The following MAPT variants were observed in gnomAD, a reference collection of about 807,000 sequenced individuals.
MAPT encodes the protein microtubule-associated protein tau.
In MAPT, 34 loss-of-function variants were observed where a neutral mutation model predicts 67.9. That is an observed-to-expected ratio of 0.50 (90% CI 0.38 to 0.67). The LOEUF is 0.67. MAPT is among the 30% of genes least tolerant of loss of function. MAPT has a pLI of 0.00. For synonymous variants in MAPT, 456 were observed against 464.5 expected (o/e 0.98, Z 0.23); for missense variants, 881 against 1,115.2 (o/e 0.79, Z 2.99).
At chr17:46,006,342 G>A (rs1470557526) in intron 9 of MAPT, among the ~76,000 whole-genome samples, 5 of 152,192 alleles carry the variant, frequency 3.3e-5, no homozygotes, top group Admixed American at 6.5e-5. Context: ...CAGACAGAAG[G>A]ACAGACTTCA....
rs1052553 is a variant in MAPT, at chr17:45,996,523, A to G, written c.1857A>G (p.Ala619=). 0.19 allele frequency: 305,630 copies of G among 1,600,658 alleles called. 32,929 individuals carry two copies. Among genetic ancestry groups the G allele is most frequent in the Non-Finnish European group, 0.22 (261,884 of 1,174,940 alleles). Residue 619 remains alanine, a synonymous_variant, in exon 9 of 13, where the codon GCA becomes GCG. Coordinates refer to ENST00000262410, the MANE Select transcript of MAPT (RefSeq NM_001377265.1). This position sits in a 1 kb window ranked among gnomAD's most constrained non-coding sequence, Gnocchi z 4.5. Reference sequence around the variant, plus strand: ...CCACCCGGGAGCCCAAGAAGGTGGCAGTGGTCCGTACTCCACCCAAGTCGC... The same window carrying G: ...CCACCCGGGAGCCCAAGAAGGTGGCGGTGGTCCGTACTCCACCCAAGTCGC... ...TPPTREPKKV[A]VVRTPPKSPS...
intron 1 of MAPT, among the ~76,000 whole-genome samples, chr17:45,938,603 C>T (rs1232032949): frequency 6.6e-6 from 1 of 152,170 alleles, no homozygotes; most frequent in East Asian, 1.9e-4. Context: ...GAGCCTGTCT[C>T]TGAAAGGCTA....
chr17:45,989,787 T>G, intron 6 of MAPT, 91 bp from the exon 7 acceptor site: 1 of 1,154,320 alleles, frequency 8.7e-7, no homozygotes, highest in Non-Finnish European at 1.3e-6. Flanking sequence ...TTACCTGCCT[T>G]ATTTATTTTT....
intron 2 of MAPT, among the ~76,000 whole-genome samples, chr17:45,963,129 A>C (rs1364527911): frequency 6.6e-6 from 1 of 152,204 alleles, no homozygotes; most frequent in Non-Finnish European, 1.5e-5. Flanking sequence ...TTTATCTCTT[A>C]CTTAGATCAG....
intron 6 of MAPT, among the ~76,000 whole-genome samples, chr17:45,988,059 G>T (rs1291750095): frequency 6.6e-6 from 1 of 152,206 alleles, no homozygotes; most frequent in Non-Finnish European, 1.5e-5. Context: ...GGCCAGCTGG[G>T]GAGTGCTGCT....
intron 1 of MAPT, among the ~76,000 whole-genome samples, chr17:45,932,237 C>G (rs1290696740): frequency 6.6e-6 from 1 of 152,102 alleles, no homozygotes; most frequent in Non-Finnish European, 1.5e-5. Context: ...AACATGTGTT[C>G]TCACAGAGAT....
intron 9 of MAPT, among the ~76,000 whole-genome samples, chr17:45,997,246 C>G (rs1274313646): frequency 2.0e-5 from 3 of 152,208 alleles, no homozygotes; most frequent in Non-Finnish European, 4.4e-5. Flanking sequence ...TCCCTTTCCC[C>G]ATTCCTGTCC....
chr17:45,904,222 A>G lies in MAPT; in HGVS notation c.-18+9536A>G, dbSNP rs1259154616. Among the ~76,000 whole-genome samples the G allele has an allele frequency of 3.1e-4, 14 of 45,290 alleles. 1 individual carries two copies. The highest frequency in any genetic ancestry group is 4.8e-4 in the Non-Finnish European group (12 of 24,782). The allele number at this position is 45,290 out of a possible 152,430, so 29.7% of individuals were successfully genotyped here. A position where few individuals can be genotyped will look rare whatever the true frequency, so the allele number is the denominator to read the frequency against. ...ATATATCTAATATATTATATATATT[A>G]TATATATTATATATTATAATATATA... On this transcript the variant is annotated intron_variant, in intron 1 of 12. Transcript: ENST00000262410.
At chr17:45,919,524 C>G (rs935538593) in intron 1 of MAPT, among the ~76,000 whole-genome samples, 2 of 152,234 alleles carry the variant, frequency 1.3e-5, no homozygotes, top group African/African-American at 4.8e-5. Context: ...TCCGATGACC[C>G]TGTCTCCTTT....
intron 1 of MAPT, among the ~76,000 whole-genome samples, chr17:45,960,081 A>G (rs763058027): frequency 6.6e-6 from 1 of 152,238 alleles, no homozygotes; most frequent in Admixed American, 6.5e-5. Context: ...CTTGACATAC[A>G]TTCCCAAACC....
chr17:46,012,830 T>A (rs11079728), intron 10 of MAPT, among the ~76,000 whole-genome samples: 1 of 144,120 alleles, frequency 6.9e-6, no homozygotes, highest in African/African-American at 2.6e-5. Context: ...TACCAGCACG[T>A]CCTCCCACCT....
At chr17:45,941,937 T>C (rs929336889) in intron 1 of MAPT, among the ~76,000 whole-genome samples, 3 of 152,070 alleles carry the variant, frequency 2.0e-5, no homozygotes. Context: ...AATTCTGATA[T>C]GTCCATTTAA....
chr17:45,929,589 C>T (rs112465221), intron 1 of MAPT, among the ~76,000 whole-genome samples: 1 of 152,126 alleles, frequency 6.6e-6, no homozygotes, highest in Non-Finnish European at 1.5e-5. Flanking sequence ...TAAAAATGGT[C>T]ATCATCGCCA....
intron 1 of MAPT, among the ~76,000 whole-genome samples, chr17:45,957,177 T>C (rs1016907584): frequency 1.4e-4 from 21 of 152,256 alleles, no homozygotes; most frequent in African/African-American, 4.8e-4. Flanking sequence ...CGCCACACTG[T>C]CTTCCACAAT....
chr17:46,026,912 TG>T lies in MAPT; in HGVS notation c.*2743del, dbSNP rs5820606. On this transcript the variant is annotated 3_prime_UTR_variant, in exon 13 of 13. Transcript: ENST00000262410. ...CAGTTAAAGGCAACCCTGAGGGACT[TG>T]GCAGTAGAAATCCAGGGCCTCCCCT... 21,789 of 152,238 alleles carry T rather than the reference TG, an allele frequency of 0.14. 2,130 individuals are homozygous for T. Among genetic ancestry groups the T allele is most frequent in the Non-Finnish European group, 0.22 (14,744 of 68,016 alleles). The allele number at this position is 152,238 out of a possible 1,614,324, so 9.4% of individuals were successfully genotyped here.
chr17:45,942,609 C>T (rs1345458892), intron 1 of MAPT, among the ~76,000 whole-genome samples: 3 of 152,186 alleles, frequency 2.0e-5, no homozygotes, highest in African/African-American at 7.2e-5. Flanking sequence ...AGCTGGGGCA[C>T]TATTATAATG....
rs200108080 is a variant in MAPT at position 45,931,113 on chromosome 17, A to G, written c.-17-31208A>G. On this transcript the variant is annotated intron_variant, in intron 1 of 12. Transcript: ENST00000262410. ...AAATTGATGGTCTGGGGGAAAAGTC[A>G]TCCTCATTCTCTTGCAGATCTATGG... Among the ~76,000 whole-genome samples the G allele has an allele frequency of 5.9e-5, 9 of 152,286 alleles. No individual in the cohort carries two copies. The East Asian group carries it at 1.7e-3, about 29-fold the overall frequency.
intron 9 of MAPT, among the ~76,000 whole-genome samples, chr17:46,004,997 G>A (rs2075310964): frequency 1.3e-5 from 2 of 152,168 alleles, no homozygotes. Context: ...TGTTAGCCAG[G>A]ATGGTCTCAA....
At chr17:45,914,149 T>G (rs62056842) in intron 1 of MAPT, among the ~76,000 whole-genome samples, 21,640 of 150,428 alleles carry the variant, frequency 0.14, 2,127 homozygotes, top group Middle Eastern at 0.22. Context: ...AAAAAAAAAA[T>G]TAATTTAAAA....
Sources: allele counts gnomAD v4.1 joint callset (sites outside exome capture counted in the v4.1 genomes callset), GRCh38; gene constraint gnomAD v4.1.1; non-coding constraint Gnocchi (gnomAD v3.1); transcripts MANE v1.5; gene names NCBI Gene and HGNC (gene_info 2026-07-23, HGNC 2026-07-21).